The following ERICH1 variants were observed in gnomAD, a reference collection of about 807,000 sequenced individuals.
The protein encoded by ERICH1 is glutamate rich 1.
ERICH1 carries 56 observed loss-of-function variants against 39.6 expected under a neutral mutation model. That is an observed-to-expected ratio of 1.41 (90% CI 1.14 to 1.77). The LOEUF is 1.77. Among genes scored for constraint, ERICH1 ranks in the 40% most tolerant of loss-of-function variants. The pLI, the probability that ERICH1 is intolerant of heterozygous loss-of-function variation, is 0.00. For missense variants in ERICH1, 826 were observed against 575.4 expected, an observed-to-expected ratio of 1.44 and a Z score of -4.45; for synonymous variants, 313 against 223.6, an observed-to-expected ratio of 1.40 and a Z score of -3.57.
chr8:704,396 C>T (rs534505799), intron 2 of ERICH1, among the ~76,000 whole-genome samples: 9 of 152,024 alleles, frequency 5.9e-5, no homozygotes, highest in Non-Finnish European at 7.4e-5. Flanking sequence ...GCTCATTGAC[C>T]CTGAATGTGT....
At chr8:704,275 CA>C (rs1317642886) in intron 2 of ERICH1, among the ~76,000 whole-genome samples, 2 of 152,194 alleles carry the variant, frequency 1.3e-5, no homozygotes, top group Admixed American at 1.3e-4. Flanking sequence ...GACTGAGGCC[CA>C]GGACAGCAAA....
intron 3 of ERICH1, among the ~76,000 whole-genome samples, chr8:630,307 CA>C (rs1797922241): frequency 7.9e-6 from 1 of 126,630 alleles, no homozygotes; most frequent in Non-Finnish European, 1.7e-5. Context: ...TGTGACCACC[CA>C]CACAGACAGA....
chr8:642,909 T>C (rs1289267465), intron 3 of ERICH1, among the ~76,000 whole-genome samples: 1 of 152,176 alleles, frequency 6.6e-6, no homozygotes, highest in African/African-American at 2.4e-5. Flanking sequence ...TCCCTCAGGC[T>C]GTGGGGCTGG....
chr8:639,306 AC>A (rs1798721879), intron 3 of ERICH1, among the ~76,000 whole-genome samples: 1 of 151,964 alleles, frequency 6.6e-6, no homozygotes, highest in Admixed American at 6.6e-5. Flanking sequence ...AGCATCTGTG[AC>A]CCCAGGTCAT....
At position 655,660 on chromosome 8, in the gene ERICH1, A is replaced by ATTCCTTCCTTCCTTCC. The variant is rs57152332; in HGVS notation, c.976+12922_976+12937dup. Among the ~76,000 whole-genome samples, 731 of 143,068 alleles carry ATTCCTTCCTTCCTTCC rather than the reference A, an allele frequency of 5.1e-3. 6 individuals are homozygous for ATTCCTTCCTTCCTTCC. Among genetic ancestry groups the ATTCCTTCCTTCCTTCC allele is most frequent in the South Asian group, 0.019 (81 of 4,184 alleles). The allele number at this position is 143,068 out of a possible 152,430, so 93.9% of individuals were successfully genotyped here. On this transcript the variant is annotated intron_variant, in intron 3 of 3. Transcript: ENST00000522706. ...TATCTGTATTCATTCTGTCCTCTGC[A>ATTCCTTCCTTCCTTCC]TTCCTTCCTTCCTTCCTTCCTTCCT...
chr8:616,585 G>C (rs1374704113), intron 3 of ERICH1: 4 of 455,714 alleles, frequency 8.8e-6, no homozygotes, highest in Non-Finnish European at 1.8e-5. Flanking sequence ...GTCAGGGCTG[G>C]AGAGAGACAG....
At chr8:680,717 T>C (rs1805928425) in intron 3 of ERICH1, among the ~76,000 whole-genome samples, 1 of 152,220 alleles carries the variant, frequency 6.6e-6, no homozygotes, top group Admixed American at 6.5e-5. Flanking sequence ...GGCAAGTGTG[T>C]CACAAATGCA....
chr8:683,002 A>G (rs1806471592), intron 3 of ERICH1, among the ~76,000 whole-genome samples: 2 of 152,236 alleles, frequency 1.3e-5, no homozygotes, highest in African/African-American at 4.8e-5. Context: ...TAGTAACATG[A>G]AAAGCTTCCA....
At chr8:628,398 A>G (rs919926841) in intron 3 of ERICH1, among the ~76,000 whole-genome samples, 40 of 152,352 alleles carry the variant, frequency 2.6e-4, no homozygotes, top group African/African-American at 9.4e-4. Context: ...TGACGATCTC[A>G]TAAACAGGAC....
At chr8:627,136 A>C in intron 3 of ERICH1, 1 of 456,244 alleles carries the variant, frequency 2.2e-6, no homozygotes, top group Non-Finnish European at 4.4e-6. Context: ...GGATATTGGG[A>C]AGACAGACAG....
At chr8:614,865 T>C (rs1010018660) in exon 4 of ERICH1, 4 of 204,160 alleles carry the variant, frequency 2.0e-5, no homozygotes, top group Non-Finnish European at 3.9e-5. Flanking sequence ...GGAAGTTGGA[T>C]GGGAACAACC....
At chr8:687,343 C>T (rs1314734776) in intron 3 of ERICH1, among the ~76,000 whole-genome samples, 1 of 152,226 alleles carries the variant, frequency 6.6e-6, no homozygotes, top group Non-Finnish European at 1.5e-5. Context: ...ACGCAGTTCA[C>T]CAAATATTGA....
intron 3 of ERICH1, among the ~76,000 whole-genome samples, chr8:684,937 A>T (rs1341339951): frequency 6.6e-6 from 1 of 152,250 alleles, no homozygotes; most frequent in Non-Finnish European, 1.5e-5. Flanking sequence ...TCACAAGGCC[A>T]GGGCGAAACT....
rs745948420 is a variant in ERICH1, at chr8:673,793, T to G, written c.559A>C (p.Ser187Arg). ...AGLAAKAAGV[S>R]FMYQPEDSSN... is the part of the protein sequence containing the mutation. ...CTGTCCTCGGGCTGGTACATGAAAC[T>G]GACACCAGCAGCCTTTGCTGCCAAG... Residue 187 changes from serine (S) to arginine (R), a missense_variant, in exon 4 of 6, where the codon AGT becomes CGT. Transcript: ENST00000262109. The G allele has an allele frequency of 5.0e-6, 8 of 1,614,110 alleles. No homozygotes were observed. The highest frequency in any genetic ancestry group is 3.3e-4 in the Middle Eastern group (2 of 6,084).
At chr8:683,679 G>A (rs754290445) in intron 3 of ERICH1, among the ~76,000 whole-genome samples, 15 of 152,168 alleles carry the variant, frequency 9.9e-5, no homozygotes, top group Non-Finnish European at 2.1e-4. Context: ...GGACCTCAAC[G>A]TTATAAAAAA....
intron 4 of ERICH1, among the ~76,000 whole-genome samples, chr8:669,923 T>C (rs1386595987): frequency 6.6e-6 from 1 of 152,184 alleles, no homozygotes; most frequent in African/African-American, 2.4e-5. Context: ...TGTGACTCTG[T>C]GTCCTGTAAC....
intron 2 of ERICH1, among the ~76,000 whole-genome samples, chr8:707,343 G>T (rs1813539915): frequency 6.6e-6 from 1 of 151,942 alleles, no homozygotes; most frequent in Non-Finnish European, 1.5e-5. Context: ...AGGTAGCTGG[G>T]ACTACAGGTA....
intron 5 of ERICH1, chr8:666,141 G>C (rs1403012964): frequency 6.6e-6 from 1 of 152,176 alleles, no homozygotes; most frequent in African/African-American, 2.4e-5. Context: ...ATAAATGTCT[G>C]TGTACACAAA....
intron 3 of ERICH1, among the ~76,000 whole-genome samples, chr8:644,081 G>C (rs893568298): frequency 6.6e-6 from 1 of 152,214 alleles, no homozygotes; most frequent in Non-Finnish European, 1.5e-5. Flanking sequence ...GACACAAATC[G>C]GGGAAGGTGT....
Sources: gnomAD v4.1 joint callset for allele counts (sites outside exome capture counted in the v4.1 genomes callset) on GRCh38, gnomAD v4.1.1 for gene constraint, MANE v1.5 for transcripts, NCBI Gene and HGNC (gene_info 2026-07-23, HGNC 2026-07-21) for gene names.